Variants in GRIN2A observed in about 807,000 individuals in gnomAD.
GRIN2A encodes glutamate ionotropic receptor NMDA type subunit 2A.
GRIN2A carries 22 observed loss-of-function variants against 113.4 expected under a neutral mutation model. The ratio of observed to expected loss-of-function variants is 0.19; its 90% CI spans 0.14 to 0.28. The LOEUF is 0.28. GRIN2A is among the 10% of genes least tolerant of loss of function. GRIN2A has a pLI of 1.00. For synonymous variants in GRIN2A, 827 were observed against 738.4 expected (o/e 1.12, Z -1.94); for missense variants, 1,502 against 1,887.0 (o/e 0.80, Z 3.78).
chr16:9,763,060 C>A lies in GRIN2A; in HGVS notation c.*89G>T. 1 of 1,316,452 alleles carries A rather than the reference C, an allele frequency of 7.6e-7. No homozygotes were observed. The highest frequency in any genetic ancestry group is 1.2e-5 in the South Asian group (1 of 82,924). 81.5% of individuals were successfully genotyped at this position (1,316,452 alleles called of 1,614,324 possible). On this transcript the variant is annotated 3_prime_UTR_variant, in exon 13 of 13. Coordinates refer to ENST00000330684, the MANE Select transcript of GRIN2A (RefSeq NM_001134407.3). The stretch of plus-strand genomic sequence containing the variant: ...CCTCCCTACATCTTCTTCCTCTTAG[C>A]AGGGCACTATTGGACATCCAACATT...
At chr16:9,782,956 A>G (rs1902016545) in intron 11 of GRIN2A, among the ~76,000 whole-genome samples, 1 of 152,206 alleles carries the variant, frequency 6.6e-6, no homozygotes, top group African/African-American at 2.4e-5. Flanking sequence ...TAAGTCCTTT[A>G]TTGCTAATCT....
intron 2 of GRIN2A, among the ~76,000 whole-genome samples, chr16:10,110,918 T>C (rs190730443): frequency 2.6e-5 from 4 of 152,334 alleles, no homozygotes; most frequent in Admixed American, 2.6e-4. Flanking sequence ...AAGAAGTACA[T>C]CTGTGGTGGA....
At chr16:9,981,042 A>AG (rs994405562) in intron 2 of GRIN2A, among the ~76,000 whole-genome samples, 5 of 151,166 alleles carry the variant, frequency 3.3e-5, no homozygotes, top group South Asian at 4.2e-4. Flanking sequence ...GGAAAAAAAA[A>AG]AGAGAGAGAG....
chr16:10,065,720 C>T (rs1057089535), intron 2 of GRIN2A, among the ~76,000 whole-genome samples: 1 of 152,144 alleles, frequency 6.6e-6, no homozygotes, highest in Non-Finnish European at 1.5e-5. Flanking sequence ...CATTGGCCAC[C>T]AAGTGAATGC....
At chr16:10,140,927 C>A (rs546748764) in intron 2 of GRIN2A, among the ~76,000 whole-genome samples, 41 of 152,284 alleles carry the variant, frequency 2.7e-4, no homozygotes, top group African/African-American at 9.9e-4. Context: ...GGTGTGGTGG[C>A]TCCTGCCTGT....
intron 2 of GRIN2A, among the ~76,000 whole-genome samples, chr16:10,081,346 T>G (rs993163740): frequency 4.6e-5 from 7 of 152,230 alleles, no homozygotes; most frequent in African/African-American, 1.7e-4. Context: ...CAGTCTCAGC[T>G]TGTGCTTCTA....
chr16:9,877,266 G>C (rs137925583), intron 4 of GRIN2A, among the ~76,000 whole-genome samples: 2 of 152,250 alleles, frequency 1.3e-5, no homozygotes, highest in African/African-American at 4.8e-5. Flanking sequence ...GTATAGAATA[G>C]GTGCTCAACA....
Position 9,790,059 on chromosome 16 carries a change from A to G in GRIN2A, c.2356+8218T>C, listed in dbSNP as rs907446239. 4.6e-5 allele frequency among the ~76,000 whole-genome samples: 7 copies of G among 152,258 alleles called. No homozygotes were observed. In the East Asian group the frequency reaches 7.7e-4, roughly 17 times the overall value. ...ACAAAGCACATGTTTTGGAGTCCAC[A>G]TTGTTTCTCCTGTCTTGCCTCTACT... is the stretch of plus-strand genomic sequence containing the variant. On this transcript the variant is annotated intron_variant, in intron 11 of 12. Transcript: ENST00000330684.
intron 2 of GRIN2A, among the ~76,000 whole-genome samples, chr16:9,948,722 G>T (rs562904104): frequency 1.3e-5 from 2 of 152,308 alleles, no homozygotes; most frequent in East Asian, 3.9e-4. Flanking sequence ...GGCCACCCTG[G>T]GGTGAACCGC....
intron 3 of GRIN2A, among the ~76,000 whole-genome samples, chr16:9,913,724 C>T (rs1770939862): frequency 1.3e-5 from 2 of 152,160 alleles, no homozygotes; most frequent in South Asian, 4.1e-4. Flanking sequence ...CTCATCAAAA[C>T]ACTCTTTGGT....
At chr16:9,974,171 C>T (rs766565525) in intron 2 of GRIN2A, among the ~76,000 whole-genome samples, 7 of 152,064 alleles carry the variant, frequency 4.6e-5, no homozygotes, top group Non-Finnish European at 1.0e-4. Context: ...GAGAGACAGG[C>T]CCTCTCACAT....
chr16:10,079,319 C>T (rs1302452325), intron 2 of GRIN2A, among the ~76,000 whole-genome samples: 1 of 152,166 alleles, frequency 6.6e-6, no homozygotes. Flanking sequence ...ACTGGGTAGT[C>T]AGGGAAGGCC....
intron 2 of GRIN2A, among the ~76,000 whole-genome samples, chr16:9,947,824 A>G (rs1425736857): frequency 6.6e-6 from 1 of 152,092 alleles, no homozygotes; most frequent in Non-Finnish European, 1.5e-5. Context: ...TCCCTACCTT[A>G]AAGAGGTTGT....
chr16:9,868,853 C>T (rs902607649), intron 4 of GRIN2A, among the ~76,000 whole-genome samples: 6 of 152,198 alleles, frequency 3.9e-5, no homozygotes, highest in South Asian at 4.1e-4. Flanking sequence ...GGTTTCAACA[C>T]GCTACTCACC....
intron 2 of GRIN2A, among the ~76,000 whole-genome samples, chr16:10,108,420 C>G (rs1326219452): frequency 1.3e-5 from 2 of 152,180 alleles, no homozygotes; most frequent in African/African-American, 4.8e-5. Context: ...AGTTAAAATT[C>G]AAGATGAGAT....
intron 2 of GRIN2A, among the ~76,000 whole-genome samples, chr16:9,987,275 C>G (rs1321599711): frequency 1.3e-5 from 2 of 152,192 alleles, no homozygotes; most frequent in Admixed American, 1.3e-4. Context: ...TACAGATGGC[C>G]TAAAGACTTT....
intron 2 of GRIN2A, among the ~76,000 whole-genome samples, chr16:10,029,186 T>C (rs1398240563): frequency 1.3e-5 from 2 of 152,018 alleles, no homozygotes; most frequent in Non-Finnish European, 2.9e-5. Context: ...CCACCCCAAT[T>C]GCACACACTT....
intron 7 of GRIN2A, among the ~76,000 whole-genome samples, chr16:9,838,280 G>C (rs976282078): frequency 1.3e-5 from 2 of 152,110 alleles, no homozygotes; most frequent in Non-Finnish European, 2.9e-5. Context: ...ATTTGATCCA[G>C]CAATTTCACT....
chr16:9,806,728 G>A (rs931192125), intron 10 of GRIN2A, among the ~76,000 whole-genome samples: 1 of 140,106 alleles, frequency 7.1e-6, no homozygotes, highest in African/African-American at 2.8e-5. Context: ...GAGAGGGAGA[G>A]AATAAAAAGT....
Sources: allele counts gnomAD v4.1 joint callset (sites outside exome capture counted in the v4.1 genomes callset), GRCh38; gene constraint gnomAD v4.1.1; transcripts MANE v1.5; gene names NCBI Gene and HGNC (gene_info 2026-07-23, HGNC 2026-07-21).